The following DAPK1 variants were observed in gnomAD, a reference collection of about 807,000 sequenced individuals.
DAPK1 encodes death associated protein kinase 1.
DAPK1 carries 56 observed loss-of-function variants against 144.9 expected under a neutral mutation model. The ratio of observed to expected loss-of-function variants is 0.39; its 90% CI spans 0.31 to 0.48. The LOEUF (loss-of-function observed/expected upper bound fraction) is 0.48, where lower values mean the gene tolerates loss of function less well. DAPK1 is among the 20% of genes least tolerant of loss of function. The pLI is 0.95. For synonymous variants in DAPK1, 690 were observed against 749.0 expected (o/e 0.92, Z 1.29); for missense variants, 1,454 against 1,875.4 (o/e 0.78, Z 4.15).
At chr9:87,585,609 A>G (rs1027284656) in intron 2 of DAPK1, among the ~76,000 whole-genome samples, 3 of 152,216 alleles carry the variant, frequency 2.0e-5, no homozygotes, top group Non-Finnish European at 1.5e-5. Context: ...TTATCTTCCA[A>G]TGATTAATGT....
chr9:87,563,349 T>A (rs1163980983), intron 2 of DAPK1, among the ~76,000 whole-genome samples: 1 of 152,220 alleles, frequency 6.6e-6, no homozygotes, highest in African/African-American at 2.4e-5. Flanking sequence ...CTTTTGAATT[T>A]AAGTGGTTCA....
chr9:87,535,550 T>C (rs764084941), intron 2 of DAPK1, among the ~76,000 whole-genome samples: 2 of 152,202 alleles, frequency 1.3e-5, no homozygotes, highest in African/African-American at 2.4e-5. Flanking sequence ...GTTCCTTTAA[T>C]GTAATACTGT....
At chr9:87,556,427 A>AG (rs1197022839) in intron 2 of DAPK1, among the ~76,000 whole-genome samples, 3 of 152,212 alleles carry the variant, frequency 2.0e-5, no homozygotes, top group Non-Finnish European at 4.4e-5. Context: ...TCACGGGCAA[A>AG]GGGGCTTCCT....
intron 3 of DAPK1, among the ~76,000 whole-genome samples, chr9:87,619,162 C>G (rs1308099493): frequency 6.6e-6 from 1 of 152,176 alleles, no homozygotes. Context: ...TCACATGTCA[C>G]CCTCTCTGGA....
At chr9:87,515,645 G>A (rs1474361406) in intron 2 of DAPK1, among the ~76,000 whole-genome samples, 2 of 152,160 alleles carry the variant, frequency 1.3e-5, no homozygotes, top group African/African-American at 4.8e-5. Context: ...TGCAGTGTTT[G>A]CACTAAATAC....
intron 2 of DAPK1, among the ~76,000 whole-genome samples, chr9:87,595,914 G>A (rs552714515): frequency 3.3e-5 from 5 of 152,166 alleles, no homozygotes; most frequent in African/African-American, 9.6e-5. Flanking sequence ...CCATTTAACC[G>A]AGCCCTTGTA....
At position 87,543,556 on chromosome 9, in the gene DAPK1, C is replaced by T. The variant is rs906512156; in HGVS notation, c.62+44417C>T. On this transcript the variant is annotated intron_variant, in intron 2 of 25. Coordinates refer to ENST00000408954, the MANE Select transcript of DAPK1 (RefSeq NM_004938.4). ...AGGATTATTTTTTCATTTCATGGAA[C>T]CTTCTGCAAATTAATATTTGTCCTT... 3.3e-5 allele frequency among the ~76,000 whole-genome samples: 5 copies of T among 152,170 alleles called. No homozygotes were observed. The South Asian group carries it at 8.3e-4, about 25-fold the overall frequency.
chr9:87,690,656 T>C (rs551725715), intron 21 of DAPK1, among the ~76,000 whole-genome samples: 1 of 152,236 alleles, frequency 6.6e-6, no homozygotes, highest in Non-Finnish European at 1.5e-5. Flanking sequence ...GGGTTCATCA[T>C]GTATGACCTT....
chr9:87,651,861 G>T, intron 17 of DAPK1, 137 bp downstream of exon 17: 2 of 671,968 alleles, frequency 3.0e-6, no homozygotes, highest in Non-Finnish European at 5.3e-6. Flanking sequence ...TCCTGATTCT[G>T]TGTCCTCCCA....
intron 18 of DAPK1, among the ~76,000 whole-genome samples, chr9:87,660,683 T>C (rs1374806973): frequency 6.6e-6 from 1 of 152,090 alleles, no homozygotes; most frequent in African/African-American, 2.4e-5. Flanking sequence ...CACACTCTTC[T>C]TCCCTGTGTA....
intron 2 of DAPK1, among the ~76,000 whole-genome samples, chr9:87,581,146 A>G (rs866522552): frequency 6.6e-6 from 1 of 152,178 alleles, no homozygotes; most frequent in Non-Finnish European, 1.5e-5. Flanking sequence ...CTCTTTCCCT[A>G]GCTGTTCAGA....
intron 2 of DAPK1, among the ~76,000 whole-genome samples, chr9:87,568,663 A>G (rs1276998984): frequency 6.6e-6 from 1 of 152,180 alleles, no homozygotes; most frequent in African/African-American, 2.4e-5. Context: ...GTGACAACCC[A>G]CTAGGATATG....
In DAPK1 at chr9:87,499,002, G is replaced by A. The variant is rs1432286226; in HGVS notation, c.-76G>A. On this transcript the variant is annotated 5_prime_UTR_variant, in exon 2 of 26. Transcript: ENST00000408954. The stretch of plus-strand genomic sequence containing the variant: ...GACTGATGCATGAGGGGGCTACGGA[G>A]GCGCAGGAGCGGTGGTGATGGTCTG... The A allele has an allele frequency of 6.6e-6, 8 of 1,203,546 alleles. 1 individual carries two copies. Among genetic ancestry groups the A allele is most frequent in the Admixed American group, 1.7e-5 (1 of 58,940 alleles). The allele number at this position is 1,203,546 out of a possible 1,614,324, so 74.6% of individuals were successfully genotyped here. A position where few individuals can be genotyped will look rare whatever the true frequency, so the allele number is the denominator to read the frequency against.
At chr9:87,525,335 C>G in intron 2 of DAPK1, 2 of 1,610,836 alleles carry the variant, frequency 1.2e-6, no homozygotes, top group Admixed American at 3.3e-5. Context: ...GAGCCACCCG[C>G]GAAAATTCGG....
chr9:87,511,686 G>GTGTGTGTGTGTC (rs1479648748), intron 2 of DAPK1, among the ~76,000 whole-genome samples: 2 of 146,306 alleles, frequency 1.4e-5, no homozygotes, highest in African/African-American at 5.2e-5. Flanking sequence ...GTGTGTGTGT[G>GTGTGTGTGTGTC]TGTGTGTGTG....
At chr9:87,671,474 G>A (rs1343016211) in intron 19 of DAPK1, among the ~76,000 whole-genome samples, 1 of 151,458 alleles carries the variant, frequency 6.6e-6, no homozygotes, top group Non-Finnish European at 1.5e-5. Flanking sequence ...CTAAAGGAGA[G>A]GTCAAGGAAA....
intron 2 of DAPK1, among the ~76,000 whole-genome samples, chr9:87,604,171 A>T (rs36207162): frequency 2.9e-4 from 44 of 151,330 alleles, no homozygotes; most frequent in African/African-American, 8.0e-4. Flanking sequence ...AGCGGCTTTG[A>T]GGGGGGGGTT....
intron 2 of DAPK1, among the ~76,000 whole-genome samples, chr9:87,510,385 G>C (rs371965249): frequency 3.3e-5 from 5 of 152,188 alleles, no homozygotes; most frequent in Non-Finnish European, 7.3e-5. Context: ...ATGCTTATCT[G>C]CATTGAGAGA....
At chr9:87,603,600 C>G (rs1009624072) in intron 2 of DAPK1, among the ~76,000 whole-genome samples, 3 of 152,196 alleles carry the variant, frequency 2.0e-5, no homozygotes, top group Non-Finnish European at 4.4e-5. Context: ...TTGCTTTTCT[C>G]TCTGGCTTTT....
Sources: allele counts gnomAD v4.1 joint callset (sites outside exome capture counted in the v4.1 genomes callset), GRCh38; gene constraint gnomAD v4.1.1; transcripts MANE v1.5; gene names NCBI Gene and HGNC (gene_info 2026-07-23, HGNC 2026-07-21).